Variants in SEMA3E observed in about 807,000 individuals in gnomAD.
The protein encoded by SEMA3E is semaphorin-3E.
A neutral mutation model predicts 93.6 loss-of-function variants in SEMA3E; 49 were observed. The ratio of observed to expected loss-of-function variants is 0.52; its 90% CI spans 0.42 to 0.66. SEMA3E has a LOEUF of 0.66. Ranked by LOEUF, SEMA3E falls within the 30% of genes least tolerant of loss-of-function variation. The pLI is 0.00. For missense variants in SEMA3E, 906 were observed against 964.8 expected (o/e 0.94, Z 0.81); for synonymous variants, 363 against 330.7 (o/e 1.10, Z -1.06).
chr7:83,627,395 G>T lies in SEMA3E; in HGVS notation c.115+21033C>A, dbSNP rs547919947. Among the ~76,000 whole-genome samples the T allele has an allele frequency of 5.3e-4, 80 of 152,146 alleles. No individual in the cohort carries two copies. In the South Asian group the frequency reaches 0.016, roughly 30 times the overall value. ...TAAGAATCTGGGAACTCCTCTATTAGGTGCATATATATTTAGGATAGTTAG... is the reference window on the plus strand; with the variant it reads ...TAAGAATCTGGGAACTCCTCTATTATGTGCATATATATTTAGGATAGTTAG... On this transcript the variant is annotated intron_variant, in intron 1 of 16. Coordinates refer to ENST00000643230, the MANE Select transcript of SEMA3E (RefSeq NM_012431.3).
At chr7:83,602,261 G>A (rs958011990) in intron 1 of SEMA3E, among the ~76,000 whole-genome samples, 1 of 152,132 alleles carries the variant, frequency 6.6e-6, no homozygotes, top group Non-Finnish European at 1.5e-5. Context: ...GACAAAGCTA[G>A]GAAATGTGAG....
chr7:83,599,201 G>A (rs1208720456), intron 1 of SEMA3E, among the ~76,000 whole-genome samples: 2 of 152,150 alleles, frequency 1.3e-5, no homozygotes, highest in East Asian at 3.9e-4. Flanking sequence ...CAAGTCACTA[G>A]TGCTTAATAC....
chr7:83,515,959 G>A lies in SEMA3E; in HGVS notation c.116-25685C>T, dbSNP rs555961723. 2.0e-4 allele frequency among the ~76,000 whole-genome samples: 31 copies of A among 152,208 alleles called. No homozygotes were observed. The South Asian group carries it at 5.6e-3, about 28-fold the overall frequency. ...GGAGAATCACTTGAACATGGGAGGC[G>A]GAGGTTGCAGTGAGCCAAGATTGCC... On this transcript the variant is annotated intron_variant, in intron 1 of 16. Transcript: ENST00000643230.
intron 4 of SEMA3E, among the ~76,000 whole-genome samples, chr7:83,422,813 T>A (rs1334372297): frequency 3.3e-5 from 5 of 152,202 alleles, no homozygotes; most frequent in Non-Finnish European, 7.3e-5. Flanking sequence ...TTTTAATACA[T>A]TCGTTTAAAC....
rs1224163193 is a variant in SEMA3E at position 83,465,999 on chromosome 7, G to A, written c.456+483C>T. ...ACCAAGTAATATTTATCTTAACTCA[G>A]TTTGAAATCTTCCCTCCTCCTGCAT... On this transcript the variant is annotated intron_variant, in intron 4 of 16. Transcript: ENST00000643230. Among the ~76,000 whole-genome samples the A allele has an allele frequency of 3.3e-5, 5 of 152,132 alleles. No homozygotes were observed. The South Asian group carries it at 1.0e-3, about 32-fold the overall frequency.
intron 1 of SEMA3E, among the ~76,000 whole-genome samples, chr7:83,585,868 T>C (rs1265318471): frequency 6.6e-6 from 1 of 152,176 alleles, no homozygotes; most frequent in African/African-American, 2.4e-5. Flanking sequence ...TTAACCTCTA[T>C]GCATCTTAGT....
At chr7:83,507,906 C>A (rs1170965547) in intron 1 of SEMA3E, among the ~76,000 whole-genome samples, 1 of 152,014 alleles carries the variant, frequency 6.6e-6, no homozygotes, top group African/African-American at 2.4e-5. Flanking sequence ...AGCATGGCCA[C>A]ACCACTGCAC....
chr7:83,466,338 G>T (rs946232135), intron 4 of SEMA3E, 144 bp downstream of exon 4: 2 of 968,102 alleles, frequency 2.1e-6, no homozygotes, highest in East Asian at 2.6e-5. Context: ...GGCCCAGAAA[G>T]ATAATTTCTC....
At chr7:83,490,087 C>A in intron 2 of SEMA3E, 27 bp downstream of exon 2, 2 of 1,608,604 alleles carry the variant, frequency 1.2e-6, no homozygotes, top group Admixed American at 3.3e-5. Flanking sequence ...TCTATCTCTA[C>A]TGAAATGCAG....
At chr7:83,635,759 A>T (rs554175069) in intron 1 of SEMA3E, among the ~76,000 whole-genome samples, 49 of 152,118 alleles carry the variant, frequency 3.2e-4, no homozygotes, top group South Asian at 2.1e-4. Context: ...AAGTAGAATG[A>T]TAAAACATAG....
At chr7:83,637,305 T>C (rs992465754) in intron 1 of SEMA3E, among the ~76,000 whole-genome samples, 3 of 152,204 alleles carry the variant, frequency 2.0e-5, no homozygotes, top group Non-Finnish European at 4.4e-5. Context: ...TACCACATTA[T>C]GTTTATAAAA....
intron 1 of SEMA3E, among the ~76,000 whole-genome samples, chr7:83,647,552 TTTTG>T (rs1794095146): frequency 6.6e-6 from 1 of 152,198 alleles, no homozygotes; most frequent in Non-Finnish European, 1.5e-5. Flanking sequence ...CTGAGCATGG[TTTTG>T]TTTATTATTT....
intron 4 of SEMA3E, among the ~76,000 whole-genome samples, chr7:83,455,406 A>G (rs1009575878): frequency 6.6e-6 from 1 of 152,208 alleles, no homozygotes; most frequent in Non-Finnish European, 1.5e-5. Flanking sequence ...GAACAGCTTC[A>G]TTTCTCATCT....
chr7:83,457,902 C>T (rs1789522975), intron 4 of SEMA3E, among the ~76,000 whole-genome samples: 1 of 152,108 alleles, frequency 6.6e-6, no homozygotes. Flanking sequence ...GCTGCTTAAT[C>T]AAAGTATTCT....
chr7:83,399,979 A>G (rs750754142), intron 11 of SEMA3E, 49 bp downstream of exon 11: 1 of 1,371,818 alleles, frequency 7.3e-7, no homozygotes. Flanking sequence ...AAAATTATTG[A>G]ATTTAAGGGT....
chr7:83,631,556 C>T (rs561473609), intron 1 of SEMA3E, among the ~76,000 whole-genome samples: 34 of 152,292 alleles, frequency 2.2e-4, no homozygotes, highest in Admixed American at 5.9e-4. Context: ...GAAAATGATG[C>T]TAAGCAAATT....
At chr7:83,434,709 C>CTTTTTT (rs76539180) in intron 4 of SEMA3E, among the ~76,000 whole-genome samples, 10 of 120,224 alleles carry the variant, frequency 8.3e-5, no homozygotes, top group Middle Eastern at 4.5e-3. Context: ...AACTGTATTT[C>CTTTTTT]TTTTTTTTTT....
chr7:83,462,385 CT>C (rs1789646288), intron 4 of SEMA3E, among the ~76,000 whole-genome samples: 1 of 152,060 alleles, frequency 6.6e-6, no homozygotes, highest in African/African-American at 2.4e-5. Context: ...TTAAGCACTC[CT>C]TTTTAGTTAC....
intron 1 of SEMA3E, among the ~76,000 whole-genome samples, chr7:83,529,239 G>A (rs1048514768): frequency 6.6e-6 from 1 of 152,092 alleles, no homozygotes; most frequent in Admixed American, 6.6e-5. Flanking sequence ...TGGCATGCAC[G>A]TTATGAATAG....
Sources: gnomAD v4.1 joint callset for allele counts (sites outside exome capture counted in the v4.1 genomes callset) on GRCh38, gnomAD v4.1.1 for gene constraint, MANE v1.5 for transcripts, NCBI Gene and HGNC (gene_info 2026-07-23, HGNC 2026-07-21) for gene names.